The following COL14A1 variants were observed in gnomAD, a reference collection of about 807,000 sequenced individuals.
COL14A1 encodes collagen alpha-1(XIV) chain.
In COL14A1, 136 loss-of-function variants were observed where a neutral mutation model predicts 230.3. The observed-to-expected ratio is 0.59, with a 90% CI of 0.51 to 0.68. The LOEUF (loss-of-function observed/expected upper bound fraction) is 0.68, where lower values mean the gene tolerates loss of function less well. Ranked by LOEUF, COL14A1 falls within the 30% of genes least tolerant of loss-of-function variation. The pLI, the probability that COL14A1 is intolerant of heterozygous loss-of-function variation, is 0.00. For synonymous variants in COL14A1, 792 were observed against 784.1 expected, an observed-to-expected ratio of 1.01 and a Z score of -0.17; for missense variants, 1,976 against 2,215.8, an observed-to-expected ratio of 0.89 and a Z score of 2.17.
intron 40 of COL14A1, among the ~76,000 whole-genome samples, chr8:120,331,003 G>T (rs1821842912): frequency 1.3e-5 from 2 of 151,646 alleles, no homozygotes; most frequent in Non-Finnish European, 2.9e-5. Context: ...TACTTCGGAG[G>T]CTGAGACAGG....
chr8:120,163,136 T>C (rs1006291133), intron 4 of COL14A1, among the ~76,000 whole-genome samples: 1 of 152,238 alleles, frequency 6.6e-6, no homozygotes, highest in African/African-American at 2.4e-5. Context: ...GGGAATTTAA[T>C]TCTTTCCAAT....
chr8:120,239,723 AT>A (rs10626830), intron 19 of COL14A1, among the ~76,000 whole-genome samples: 67 of 151,454 alleles, frequency 4.4e-4, no homozygotes, highest in African/African-American at 1.5e-3. Context: ...ATAAGTTGTG[AT>A]TTTTTTTTCT....
intron 45 of COL14A1, among the ~76,000 whole-genome samples, chr8:120,359,597 T>C (rs1421483399): frequency 2.0e-5 from 3 of 152,204 alleles, no homozygotes; most frequent in Admixed American, 6.5e-5. Context: ...ATTTATAATT[T>C]TCTTAATAGC....
intron 29 of COL14A1, 141 bp downstream of exon 29, chr8:120,280,240 T>C: frequency 1.0e-6 from 1 of 1,001,842 alleles, no homozygotes; most frequent in African/African-American, 1.6e-5. Flanking sequence ...TTAAGTTTTG[T>C]GGCTTTGAGC....
At chr8:120,323,209 A>G (rs1035912113) in intron 40 of COL14A1, among the ~76,000 whole-genome samples, 1 of 151,712 alleles carries the variant, frequency 6.6e-6, no homozygotes, top group Non-Finnish European at 1.5e-5. Flanking sequence ...GGCTGCGTGC[A>G]TGTCTTCTTT....
intron 24 of COL14A1, among the ~76,000 whole-genome samples, chr8:120,266,007 T>A (rs1819491121): frequency 6.6e-6 from 1 of 152,100 alleles, no homozygotes; most frequent in South Asian, 2.1e-4. Flanking sequence ...CTATGTTTAG[T>A]GGAGGGTTTT....
At chr8:120,319,385 G>A (rs1029654877) in intron 40 of COL14A1, among the ~76,000 whole-genome samples, 1 of 151,790 alleles carries the variant, frequency 6.6e-6, no homozygotes, top group African/African-American at 2.4e-5. Context: ...GTGTTGCCCA[G>A]GGTGGTCTCA....
intron 26 of COL14A1, among the ~76,000 whole-genome samples, chr8:120,271,866 A>G (rs1453411235): frequency 6.6e-6 from 1 of 151,450 alleles, no homozygotes; most frequent in African/African-American, 2.4e-5. Context: ...ATGTTTCAGA[A>G]AAAAAGATTA....
chr8:120,274,439 C>T (rs1453541275), intron 26 of COL14A1, among the ~76,000 whole-genome samples: 2 of 151,810 alleles, frequency 1.3e-5, no homozygotes, highest in Non-Finnish European at 2.9e-5. Flanking sequence ...CTCATTTTCA[C>T]CGCTTCTATT....
intron 2 of COL14A1, among the ~76,000 whole-genome samples, chr8:120,148,180 T>C (rs959487874): frequency 1.1e-4 from 16 of 149,314 alleles, no homozygotes; most frequent in Admixed American, 2.7e-4. Flanking sequence ...AGAGTCTTGC[T>C]CTGTAGCCCA....
intron 5 of COL14A1, among the ~76,000 whole-genome samples, chr8:120,177,588 G>A (rs917091821): frequency 1.4e-5 from 2 of 145,974 alleles, no homozygotes; most frequent in Non-Finnish European, 3.0e-5. Flanking sequence ...GGTGGAAGTT[G>A]CAGTGAGCTG....
At chr8:120,193,354 A>T (rs1816899959) in intron 5 of COL14A1, among the ~76,000 whole-genome samples, 1 of 152,148 alleles carries the variant, frequency 6.6e-6, no homozygotes, top group Non-Finnish European at 1.5e-5. Context: ...GTGGCTGCAG[A>T]ACAGTAGATT....
intron 42 of COL14A1, among the ~76,000 whole-genome samples, chr8:120,336,669 G>A (rs1247206668): frequency 1.3e-5 from 2 of 152,168 alleles, no homozygotes; most frequent in African/African-American, 4.8e-5. Context: ...CAGAGAGCTC[G>A]TGGCCCTTTA....
intron 47 of COL14A1, chr8:120,370,468 C>T: frequency 6.5e-7 from 1 of 1,544,288 alleles, no homozygotes; most frequent in Non-Finnish European, 8.7e-7. Context: ...CTGCCCCTAA[C>T]AATGGACACT....
chr8:120,326,355 T>A (rs1247325469), intron 40 of COL14A1, among the ~76,000 whole-genome samples: 1 of 152,232 alleles, frequency 6.6e-6, no homozygotes, highest in Non-Finnish European at 1.5e-5. Context: ...ATTGTTTGAC[T>A]ATCCTCAAAA....
chr8:120,308,626 A>G (rs1215670729), intron 36 of COL14A1, among the ~76,000 whole-genome samples: 1 of 152,244 alleles, frequency 6.6e-6, no homozygotes, highest in African/African-American at 2.4e-5. Context: ...AATTGATAAA[A>G]AGGAAGAGTG....
intron 4 of COL14A1, among the ~76,000 whole-genome samples, chr8:120,167,765 G>A (rs1217965760): frequency 2.0e-5 from 3 of 152,184 alleles, no homozygotes; most frequent in African/African-American, 4.8e-5. Context: ...CATCGGCTAA[G>A]TCCAGAGACT....
At chr8:120,288,675 C>G (rs533907849) in intron 33 of COL14A1, among the ~76,000 whole-genome samples, 1 of 152,254 alleles carries the variant, frequency 6.6e-6, no homozygotes, top group South Asian at 2.1e-4. Context: ...TAATTTCACC[C>G]CATAACCTTG....
At chr8:120,367,304 C>T (rs1823438349) in intron 46 of COL14A1, 56 bp downstream of exon 46, 16 of 1,390,354 alleles carry the variant, frequency 1.2e-5, no homozygotes, top group Non-Finnish European at 1.4e-5. Context: ...ATTCACTTGG[C>T]ATTGCAAGTG....
Sources: gnomAD v4.1 joint callset for allele counts (sites outside exome capture counted in the v4.1 genomes callset) on GRCh38, gnomAD v4.1.1 for gene constraint, MANE v1.5 for transcripts, NCBI Gene and HGNC (gene_info 2026-07-23, HGNC 2026-07-21) for gene names.